SNTB1: variants seen among roughly 807,000 people sequenced by gnomAD.
SNTB1 encodes the protein syntrophin beta 1.
In SNTB1, 36 loss-of-function variants were observed where a neutral mutation model predicts 48.9. The observed-to-expected ratio is 0.74, with a 90% CI of 0.56 to 0.97. The LOEUF is 0.97. Among genes scored for constraint, SNTB1 ranks in the 50% least tolerant of loss-of-function variants. The pLI is 0.00. For missense variants in SNTB1, 786 were observed against 703.4 expected (o/e 1.12, Z -1.33); for synonymous variants, 299 against 294.6 (o/e 1.01, Z -0.15).
intron 1 of SNTB1, among the ~76,000 whole-genome samples, chr8:120,747,133 T>C (rs1369085549): frequency 6.6e-6 from 1 of 152,182 alleles, no homozygotes; most frequent in Non-Finnish European, 1.5e-5. Flanking sequence ...TTATTATTTT[T>C]GTTTAAATAG....
intron 2 of SNTB1, among the ~76,000 whole-genome samples, chr8:120,687,848 A>G (rs9297626): frequency 0.063 from 9,537 of 152,204 alleles, 725 homozygotes; most frequent in East Asian, 0.39. Context: ...AATTTTGCCT[A>G]TTTGGTTAAT....
At chr8:120,695,495 C>T (rs1168076086) in intron 1 of SNTB1, among the ~76,000 whole-genome samples, 1 of 152,176 alleles carries the variant, frequency 6.6e-6, no homozygotes, top group African/African-American at 2.4e-5. Context: ...AGTCACTACC[C>T]AATCCCCCAG....
Position 120,775,520 on chromosome 8 carries a change from A to T in SNTB1, c.571+35753T>A, listed in dbSNP as rs527388056. On this transcript the variant is annotated intron_variant, in intron 1 of 6. Coordinates refer to ENST00000517992, the MANE Select transcript of SNTB1 (RefSeq NM_021021.4). The stretch of plus-strand genomic sequence containing the variant: ...CAAAGGAGGAGTATAGCAAAAAGAT[A>T]CTAGCAGTAAGTATAAAACCAGGAT... 7 of 152,320 alleles carry T rather than the reference A, an allele frequency of 4.6e-5. No individual in the cohort carries two copies. In the South Asian group the frequency reaches 1.4e-3, roughly 32 times the overall value. The allele number at this position is 152,320 out of a possible 1,614,324, so 9.4% of individuals were successfully genotyped here.
intron 3 of SNTB1, among the ~76,000 whole-genome samples, chr8:120,620,122 T>C (rs908636446): frequency 6.6e-6 from 1 of 152,094 alleles, no homozygotes; most frequent in African/African-American, 2.4e-5. Flanking sequence ...ATTCACAAAT[T>C]TGGAGATTTC....
intron 1 of SNTB1, among the ~76,000 whole-genome samples, chr8:120,739,464 G>A (rs1819007324): frequency 6.6e-6 from 1 of 152,202 alleles, no homozygotes. Context: ...AATTTCCCAA[G>A]AAACCTAAGT....
chr8:120,654,134 A>G (rs1817459250), intron 2 of SNTB1, among the ~76,000 whole-genome samples: 1 of 151,566 alleles, frequency 6.6e-6, no homozygotes, highest in Admixed American at 6.6e-5. Context: ...CAGAAAGAAA[A>G]CGGGGAACCA....
chr8:120,605,427 G>A (rs1472784850), intron 3 of SNTB1, among the ~76,000 whole-genome samples: 1 of 152,152 alleles, frequency 6.6e-6, no homozygotes, highest in African/African-American at 2.4e-5. Flanking sequence ...ATATTACCAC[G>A]TCTAACTGTG....
intron 3 of SNTB1, among the ~76,000 whole-genome samples, chr8:120,614,909 G>A (rs1816687408): frequency 6.7e-6 from 1 of 150,088 alleles, no homozygotes; most frequent in Non-Finnish European, 1.5e-5. Flanking sequence ...GGGAGGCTGA[G>A]GCAGGTGGAT....
chr8:120,609,616 A>G (rs1360792583), intron 3 of SNTB1, among the ~76,000 whole-genome samples: 2 of 152,268 alleles, frequency 1.3e-5, no homozygotes, highest in South Asian at 4.1e-4. Context: ...TTGTAATCAC[A>G]TTGAAAAAAC....
At chr8:120,796,952 T>C (rs1006761753) in intron 1 of SNTB1, among the ~76,000 whole-genome samples, 1 of 152,050 alleles carries the variant, frequency 6.6e-6, no homozygotes, top group African/African-American at 2.4e-5. Flanking sequence ...TGCACACAAA[T>C]ATTAATATAT....
At chr8:120,724,019 G>A (rs1448766328) in intron 1 of SNTB1, among the ~76,000 whole-genome samples, 1 of 152,230 alleles carries the variant, frequency 6.6e-6, no homozygotes, top group African/African-American at 2.4e-5. Flanking sequence ...TAGAGCTAGA[G>A]AGTCTGAAAC....
At chr8:120,558,082 CCTGG>C (rs1481559642) in intron 4 of SNTB1, among the ~76,000 whole-genome samples, 1 of 152,178 alleles carries the variant, frequency 6.6e-6, no homozygotes, top group Non-Finnish European at 1.5e-5. Flanking sequence ...AACCTGTCTG[CCTGG>C]CTTTTTCCCA....
At chr8:120,765,813 TAG>T (rs1369532239) in intron 1 of SNTB1, 1 of 152,126 alleles carries the variant, frequency 6.6e-6, no homozygotes, top group African/African-American at 2.4e-5. Flanking sequence ...CCATGATAGC[TAG>T]AGTTTCAGAA....
chr8:120,600,558 G>T (rs1816405828), intron 3 of SNTB1, among the ~76,000 whole-genome samples: 2 of 152,160 alleles, frequency 1.3e-5, no homozygotes, highest in South Asian at 4.1e-4. Flanking sequence ...TGCTGCCCCA[G>T]TGAAAAGGCA....
At chr8:120,716,294 A>C (rs1818557514) in intron 1 of SNTB1, among the ~76,000 whole-genome samples, 1 of 152,192 alleles carries the variant, frequency 6.6e-6, no homozygotes, top group Admixed American at 6.5e-5. Context: ...ATTATTGACA[A>C]TTTTCACTTG....
chr8:120,736,060 G>A (rs1329486940), intron 1 of SNTB1, among the ~76,000 whole-genome samples: 2 of 152,122 alleles, frequency 1.3e-5, no homozygotes, highest in African/African-American at 4.8e-5. Context: ...TTCAATCATG[G>A]TGGAAGGCAA....
chr8:120,770,033 A>G (rs150307607), intron 1 of SNTB1, among the ~76,000 whole-genome samples: 41 of 152,312 alleles, frequency 2.7e-4, no homozygotes, highest in Admixed American at 9.8e-4. Flanking sequence ...TTACTAATCA[A>G]TGGGAGTTGC....
chr8:120,582,988 G>A (rs1476260173), intron 3 of SNTB1, among the ~76,000 whole-genome samples: 1 of 152,096 alleles, frequency 6.6e-6, no homozygotes, highest in Non-Finnish European at 1.5e-5. Context: ...TTAAATATAA[G>A]ACTGGGTGTG....
chr8:120,575,263 G>C (rs991975466), intron 3 of SNTB1, 38 bp from the exon 4 acceptor site: 5 of 1,613,540 alleles, frequency 3.1e-6, no homozygotes, highest in Middle Eastern at 3.3e-4. Flanking sequence ...ATGACAGCCT[G>C]AGGAAAGGAT....
Sources: gnomAD v4.1 joint callset for allele counts (sites outside exome capture counted in the v4.1 genomes callset) on GRCh38, gnomAD v4.1.1 for gene constraint, MANE v1.5 for transcripts, NCBI Gene and HGNC (gene_info 2026-07-23, HGNC 2026-07-21) for gene names.